The following OOSP1 variants were observed in gnomAD, a reference collection of about 807,000 sequenced individuals.
OOSP1 encodes putative oocyte-secreted protein 1 homolog.
A neutral mutation model predicts 5.7 loss-of-function variants in OOSP1; 11 were observed. The observed-to-expected ratio is 1.94, with a 90% CI of 1.22 to 3.20. The LOEUF (loss-of-function observed/expected upper bound fraction) is 3.20, where lower values mean the gene tolerates loss of function less well. OOSP1 is among the 30% of genes most tolerant of loss of function. The pLI, the probability that OOSP1 is intolerant of heterozygous loss-of-function variation, is 0.00. For missense variants in OOSP1, 83 were observed against 54.1 expected (o/e 1.53, Z -1.67); for synonymous variants, 44 against 20.0 (o/e 2.20, Z -3.20).
At chr11:59,955,621 A>ATTTT (rs111996738) in intron 4 of OOSP1, among the ~76,000 whole-genome samples, 1 of 146,206 alleles carries the variant, frequency 6.8e-6, no homozygotes. Flanking sequence ...TAGATCATCT[A>ATTTT]TTTTTTTTTT....
chr11:59,942,485 C>G (rs1853839954), intron 1 of OOSP1, among the ~76,000 whole-genome samples: 1 of 152,076 alleles, frequency 6.6e-6, no homozygotes, highest in Non-Finnish European at 1.5e-5. Flanking sequence ...TTCAGTTGAA[C>G]AAGGGAGACA....
intron 4 of OOSP1, among the ~76,000 whole-genome samples, chr11:59,952,009 G>A (rs949087786): frequency 2.0e-5 from 3 of 151,874 alleles, no homozygotes; most frequent in African/African-American, 7.3e-5. Context: ...ACTGATTCAT[G>A]TTATATTTGG....
intron 4 of OOSP1, among the ~76,000 whole-genome samples, chr11:59,948,092 G>A (rs1048778700): frequency 1.3e-5 from 2 of 152,110 alleles, no homozygotes; most frequent in Admixed American, 1.3e-4. Flanking sequence ...ATAACTAAGA[G>A]CTATCCATTT....
At chr11:59,950,854 A>C (rs981793753) in intron 4 of OOSP1, among the ~76,000 whole-genome samples, 6 of 152,072 alleles carry the variant, frequency 3.9e-5, no homozygotes, top group African/African-American at 1.4e-4. Context: ...GGAGACAGAA[A>C]CTAGTGTATA....
intron 4 of OOSP1, among the ~76,000 whole-genome samples, chr11:59,956,873 A>G (rs1221605076): frequency 1.3e-5 from 2 of 152,138 alleles, no homozygotes; most frequent in Non-Finnish European, 2.9e-5. Flanking sequence ...GTCACTGTGA[A>G]TAGTGTTAAT....
At chr11:59,953,000 A>G (rs1303653473) in intron 4 of OOSP1, among the ~76,000 whole-genome samples, 1 of 152,160 alleles carries the variant, frequency 6.6e-6, no homozygotes, top group Non-Finnish European at 1.5e-5. Flanking sequence ...CTATATTAAT[A>G]CACATTTTCC....
chr11:59,942,745 T>A, intron 1 of OOSP1, 102 bp from the exon 2 acceptor site: 1 of 599,562 alleles, frequency 1.7e-6, no homozygotes, highest in Non-Finnish European at 3.0e-6. Flanking sequence ...TTTGTTTTAG[T>A]AAGGGATGAT....
chr11:59,943,522 G>T (rs982433653), intron 2 of OOSP1, among the ~76,000 whole-genome samples: 3 of 152,208 alleles, frequency 2.0e-5, no homozygotes. Context: ...CTCTTGTTAG[G>T]TGGTAATTGC....
chr11:59,947,221 G>A (rs576254075), intron 3 of OOSP1, among the ~76,000 whole-genome samples: 79 of 152,092 alleles, frequency 5.2e-4, no homozygotes, highest in African/African-American at 1.7e-3. Context: ...CTTACCATAT[G>A]CCTACACTGT....
In OOSP1 at chr11:59,945,286, C is replaced by T; in HGVS notation, c.356+20C>T. 1.4e-6 allele frequency: 1 copy of T among 702,992 alleles called. No individual in the cohort carries two copies. 43.5% of individuals were successfully genotyped at this position (702,992 alleles called of 1,614,324 possible). The stretch of plus-strand genomic sequence containing the variant: ...CCACAAGTGAGTATGGAATGCCAAA[C>T]CCCTGTCCTAGCCCCTGGCTTCATT... On this transcript the variant is annotated intron_variant, in intron 3 of 4. Transcript: ENST00000646685.
At chr11:59,955,298 C>T (rs548830448) in intron 4 of OOSP1, among the ~76,000 whole-genome samples, 183 of 152,050 alleles carry the variant, frequency 1.2e-3, no homozygotes, top group African/African-American at 4.3e-3. Context: ...TTTATATTGA[C>T]TTCTTAAGGG....
At chr11:59,955,686 A>G (rs1421333972) in intron 4 of OOSP1, among the ~76,000 whole-genome samples, 1 of 151,486 alleles carries the variant, frequency 6.6e-6, no homozygotes, top group Non-Finnish European at 1.5e-5. Flanking sequence ...AGGCATGCCT[A>G]TGGCTCACTG....
rs371755034 is a variant in OOSP1 at position 59,948,676 on chromosome 11, A to AT, written c.486+818dup. 891 of 397,716 alleles carry AT rather than the reference A, an allele frequency of 2.2e-3. 7 individuals carry two copies. Among genetic ancestry groups the AT allele is most frequent in the African/African-American group, 0.017 (808 of 48,684 alleles). The allele number at this position is 397,716 out of a possible 1,614,324, so 24.6% of individuals were successfully genotyped here. On this transcript the variant is annotated intron_variant, in intron 4 of 4. Transcript: ENST00000646685. The stretch of plus-strand genomic sequence containing the variant: ...AAGTAATGTTTACATTGGGACGTAT[A>AT]TTTTACTGTCTTTCTTCCATTTTGG...
intron 3 of OOSP1, among the ~76,000 whole-genome samples, chr11:59,946,921 ATC>A (rs1161414722): frequency 7.0e-5 from 8 of 114,630 alleles, no homozygotes; most frequent in African/African-American, 2.7e-4. Flanking sequence ...TACCATATCT[ATC>A]TATCTATCTA....
chr11:59,951,514 C>T (rs1853939630), intron 4 of OOSP1, among the ~76,000 whole-genome samples: 1 of 152,020 alleles, frequency 6.6e-6, no homozygotes, highest in South Asian at 2.1e-4. Flanking sequence ...ATTTTGTGGT[C>T]TGCATCCTGA....
intron 2 of OOSP1, among the ~76,000 whole-genome samples, chr11:59,943,365 A>AT (rs1853850950): frequency 1.3e-5 from 2 of 152,180 alleles, no homozygotes; most frequent in East Asian, 3.9e-4. Context: ...TAAAAAAAAA[A>AT]CCAACAAAAA....
intron 4 of OOSP1, among the ~76,000 whole-genome samples, chr11:59,952,332 T>G (rs1366418714): frequency 1.3e-5 from 2 of 152,120 alleles, no homozygotes; most frequent in African/African-American, 2.4e-5. Flanking sequence ...GAAGAAGACA[T>G]GTATGCTTAT....
In OOSP1 at chr11:59,943,634, C is replaced by T. The variant is rs1378995069; in HGVS notation, c.258+606C>T. 2.0e-5 allele frequency among the ~76,000 whole-genome samples: 3 copies of T among 152,164 alleles called. No homozygotes were observed. In the East Asian group the frequency reaches 5.8e-4, roughly 29 times the overall value. ...ATCAGAAAGTTTTTCAACAGTTTCT[C>T]TAACTAATTATTTATTATAATTCAT... On this transcript the variant is annotated intron_variant, in intron 2 of 4. Coordinates refer to ENST00000646685, the Ensembl canonical transcript of OOSP1.
intron 2 of OOSP1, among the ~76,000 whole-genome samples, chr11:59,944,623 C>T (rs1198698543): frequency 6.6e-6 from 1 of 152,046 alleles, no homozygotes; most frequent in Non-Finnish European, 1.5e-5. Flanking sequence ...GTCTTAACTC[C>T]ATTCCACCCC....
Sources: allele counts gnomAD v4.1 joint callset (sites outside exome capture counted in the v4.1 genomes callset), GRCh38; gene constraint gnomAD v4.1.1; transcripts MANE v1.5; gene names NCBI Gene and HGNC (gene_info 2026-07-23, HGNC 2026-07-21).